The following DNAH11 variants were observed in gnomAD, a reference collection of about 807,000 sequenced individuals.
The protein encoded by DNAH11 is axonemal beta dynein heavy chain 11.
In DNAH11, 442 loss-of-function variants were observed where a neutral mutation model predicts 526.0. The ratio of observed to expected loss-of-function variants is 0.84; its 90% CI spans 0.78 to 0.91. DNAH11 has a LOEUF of 0.91. DNAH11 is among the 40% of genes least tolerant of loss of function. The pLI, the probability that DNAH11 is intolerant of heterozygous loss-of-function variation, is 0.00. For missense variants in DNAH11, 6,989 were observed against 5,448.7 expected (o/e 1.28, Z -8.90); for synonymous variants, 2,461 against 1,935.9 (o/e 1.27, Z -7.12).
At chr7:21,714,428 G>C (rs887810688) in intron 42 of DNAH11, among the ~76,000 whole-genome samples, 9 of 152,142 alleles carry the variant, frequency 5.9e-5, no homozygotes, top group African/African-American at 1.9e-4. Context: ...CTTTCAATAA[G>C]TCACGAAATG....
Position 21,866,501 on chromosome 7 carries a change from T to C in DNAH11, c.11528T>C (p.Ile3843Thr), listed in dbSNP as rs754938557. 6.2e-7 allele frequency: 1 copy of C among 1,612,880 alleles called. No individual in the cohort carries two copies. The highest frequency in any genetic ancestry group is 1.1e-5 in the South Asian group (1 of 90,870). The change falls in exon 71 of 82, where the codon ATA becomes ACA. Residue 3843 changes from isoleucine to threonine, a missense_variant. Physicochemically the swap from Ile to Thr is moderately conservative, Grantham distance 89 (BLOSUM62 -1). Coordinates refer to ENST00000409508, the MANE Select transcript of DNAH11 (RefSeq NM_001277115.2). ...GCCGTCATGGAAGAATTTCGAGGCA[T>C]AGACCGAGATGTGGAAGGATCTGCC... ...AIAVMEEFRG[I>T]DRDVEGSAKQ... is the part of the protein sequence containing the mutation.
chr7:21,704,420 G>GGTTTTT lies in DNAH11; in HGVS notation c.6274-14_6274-13insGTTTTT. 1.3e-6 allele frequency: 2 copies of GGTTTTT among 1,583,128 alleles called. No homozygotes were observed. Among genetic ancestry groups the GGTTTTT allele is most frequent in the Admixed American group, 3.5e-5 (2 of 56,912 alleles). On this transcript the variant is annotated splice_polypyrimidine_tract_variant and intron_variant, in intron 37 of 81. Transcript: ENST00000409508. ...CCTTGTATTGGCTTTTTTATAAAATGTTTTTTTTTCTAGGTACTCATGAGA... is the reference window on the plus strand; with the variant it reads ...CCTTGTATTGGCTTTTTTATAAAATGGTTTTTTTTTTTTTTCTAGGTACTCATGAGA...
chr7:21,735,710 A>G lies in DNAH11; in HGVS notation c.7511A>G (p.Lys2504Arg), dbSNP rs775730577. The change falls in exon 46 of 82, where the codon AAA becomes AGA. Residue 2504 changes from lysine to arginine, a missense_variant. Lys to Arg is a conservative substitution (Grantham distance 26). Coordinates refer to ENST00000409508, the MANE Select transcript of DNAH11 (RefSeq NM_001277115.2). ...ATGGAGTTGTTGCTTGAGAAAGGAA[A>G]ACCTCTAATGCTAGTAGGAAATGCA... Reference protein sequence around the residue: ...YFMELLLEKGKPLMLVGNAGV... With the variant: ...YFMELLLEKGRPLMLVGNAGV... 34 of 1,613,794 alleles carry G rather than the reference A, an allele frequency of 2.1e-5. No individual in the cohort carries two copies. The highest frequency in any genetic ancestry group is 2.6e-5 in the Non-Finnish European group (31 of 1,179,860).
At chr7:21,855,055 G>A (rs1430857880) in intron 68 of DNAH11, among the ~76,000 whole-genome samples, 1 of 126,222 alleles carries the variant, frequency 7.9e-6, no homozygotes, top group Non-Finnish European at 1.6e-5. Context: ...TTTTTGGGAT[G>A]GAGTCTCCCT....
chr7:21,842,517 T>C (rs1488910336), intron 65 of DNAH11, 27 bp from the exon 66 acceptor site: 1 of 1,598,898 alleles, frequency 6.3e-7, no homozygotes, highest in Non-Finnish European at 8.6e-7. Context: ...AGGAGTCTCC[T>C]GAAAGTCTGT....
chr7:21,591,919 A>G (rs534234234), intron 14 of DNAH11, among the ~76,000 whole-genome samples: 1 of 152,206 alleles, frequency 6.6e-6, no homozygotes, highest in African/African-American at 2.4e-5. Flanking sequence ...CAAACAAACA[A>G]CTTCCTTAGG....
intron 57 of DNAH11, among the ~76,000 whole-genome samples, chr7:21,781,992 C>T (rs535271232): frequency 6.6e-6 from 1 of 152,292 alleles, no homozygotes; most frequent in African/African-American, 2.4e-5. Context: ...TGGATTAGGG[C>T]TCACCCTAAT....
At chr7:21,844,799 C>T (rs9969170) in intron 66 of DNAH11, among the ~76,000 whole-genome samples, 12,631 of 152,246 alleles carry the variant, frequency 0.083, 1,775 homozygotes, top group African/African-American at 0.29. Flanking sequence ...CTGTGTGAGG[C>T]TGCTTTACTT....
intron 42 of DNAH11, among the ~76,000 whole-genome samples, chr7:21,716,331 C>A (rs921380772): frequency 6.6e-6 from 1 of 152,100 alleles, no homozygotes; most frequent in Non-Finnish European, 1.5e-5. Context: ...TAATGAGTAA[C>A]GTTTATTGAG....
chr7:21,553,100 C>CTTTTTTTT (rs1783085024), intron 2 of DNAH11, among the ~76,000 whole-genome samples: 1 of 62,100 alleles, frequency 1.6e-5, no homozygotes, highest in African/African-American at 8.6e-5. Flanking sequence ...TTTTTGCAAA[C>CTTTTTTTT]TACTTCTCTT....
At chr7:21,744,222 C>T (rs988443382) in intron 49 of DNAH11, among the ~76,000 whole-genome samples, 11 of 152,152 alleles carry the variant, frequency 7.2e-5, no homozygotes, top group South Asian at 2.1e-4. Flanking sequence ...TGGTCTTACT[C>T]GCATACCTAA....
At chr7:21,821,715 C>T (rs1036962921) in intron 65 of DNAH11, among the ~76,000 whole-genome samples, 4 of 152,004 alleles carry the variant, frequency 2.6e-5, no homozygotes. Context: ...GAAAACATTA[C>T]AGTTCTTCTC....
In DNAH11 at chr7:21,816,607, C is replaced by A; in HGVS notation, c.10473C>A (p.Arg3491=). 1.2e-6 allele frequency: 2 copies of A among 1,613,720 alleles called. No individual in the cohort carries two copies. Among genetic ancestry groups the A allele is most frequent in the Non-Finnish European group, 8.5e-7 (1 of 1,179,802 alleles). ...CCGCTATCCTAACACACTGTGAGCG[C>A]TGGCCTCTGGTGATAGATCCCCAGC... ...ENAAILTHCE[R]WPLVIDPQQQ... is the part of the protein sequence containing the mutation. Residue 3491 remains arginine (R), a synonymous_variant, in exon 64 of 82, where the codon CGC becomes CGA. Coordinates refer to ENST00000409508, the MANE Select transcript of DNAH11 (RefSeq NM_001277115.2).
rs1787808472 is a variant in DNAH11, at chr7:21,778,969, A to G, written c.9348A>G (p.Leu3116=). Residue 3116 remains leucine, a synonymous_variant, in exon 57 of 82, where the codon CTA becomes CTG. Coordinates refer to ENST00000409508, the MANE Select transcript of DNAH11 (RefSeq NM_001277115.2). ...GACTTTTGCTTTAGGTGGGAGATCT[A>G]AAAGCCAGACTTGCCTCTCAAGAAG... ...LKTTASQVGD[L]KARLASQEAE... 1.2e-6 allele frequency: 2 copies of G among 1,613,170 alleles called. No individual in the cohort carries two copies. Among genetic ancestry groups the G allele is most frequent in the Middle Eastern group, 1.7e-4 (1 of 6,052 alleles).
chr7:21,609,481 A>G (rs1785432312), intron 20 of DNAH11, among the ~76,000 whole-genome samples: 1 of 152,084 alleles, frequency 6.6e-6, no homozygotes, highest in African/African-American at 2.4e-5. Context: ...CAGCCTCCCA[A>G]CTTGCTGGGA....
At chr7:21,849,990 T>C (rs1352496841) in intron 66 of DNAH11, among the ~76,000 whole-genome samples, 2 of 151,886 alleles carry the variant, frequency 1.3e-5, no homozygotes, top group East Asian at 1.9e-4. Flanking sequence ...TTTTTTTTTT[T>C]CAAGTATCTA....
chr7:21,850,178 A>T (rs1406913685), intron 66 of DNAH11, among the ~76,000 whole-genome samples: 1 of 147,658 alleles, frequency 6.8e-6, no homozygotes, highest in Admixed American at 6.6e-5. Context: ...AACACGGTGA[A>T]ACCCCATCTC....
chr7:21,880,577 A>AT (rs1193124026), intron 74 of DNAH11, 125 bp from the exon 75 acceptor site: 5 of 920,376 alleles, frequency 5.4e-6, no homozygotes, highest in Non-Finnish European at 8.3e-6. Flanking sequence ...ATAAGTAGCC[A>AT]TGCTGAAGAC....
intron 25 of DNAH11, among the ~76,000 whole-genome samples, chr7:21,628,889 G>T (rs911784887): frequency 7.2e-5 from 11 of 152,050 alleles, no homozygotes; most frequent in African/African-American, 2.6e-4. Flanking sequence ...TTTTTCTTCA[G>T]TTTTAATTTT....
Sources: gnomAD v4.1 joint callset for allele counts (sites outside exome capture counted in the v4.1 genomes callset) on GRCh38, gnomAD v4.1.1 for gene constraint, MANE v1.5 for transcripts, NCBI Gene and HGNC (gene_info 2026-07-23, HGNC 2026-07-21) for gene names.